Variants in PCLO observed in about 807,000 individuals in gnomAD.
PCLO encodes piccolo presynaptic cytomatrix protein, also known as protein piccolo.
Under a neutral mutation model 427.5 loss-of-function variants are expected in PCLO, and 82 were observed. That is an observed-to-expected ratio of 0.19 (90% CI 0.16 to 0.23). The LOEUF (loss-of-function observed/expected upper bound fraction) is 0.23, where lower values mean the gene tolerates loss of function less well. Ranked by LOEUF, PCLO falls within the 10% of genes least tolerant of loss-of-function variation. The pLI, the probability that PCLO is intolerant of heterozygous loss-of-function variation, is 1.00. For missense variants in PCLO, 6,239 were observed against 6,115.9 expected, an observed-to-expected ratio of 1.02 and a Z score of -0.67; for synonymous variants, 2,357 against 2,155.4, an observed-to-expected ratio of 1.09 and a Z score of -2.59.
chr7:82,858,658 C>T (rs1040692357), intron 10 of PCLO, among the ~76,000 whole-genome samples: 1 of 152,070 alleles, frequency 6.6e-6, no homozygotes, highest in African/African-American at 2.4e-5. Context: ...TCAGCTTATA[C>T]TATGCACTTC....
intron 20 of PCLO, among the ~76,000 whole-genome samples, chr7:82,810,829 C>T (rs1278630341): frequency 6.6e-6 from 1 of 151,662 alleles, no homozygotes; most frequent in African/African-American, 2.4e-5. Context: ...GCAAAGCTAT[C>T]ACTGTACTTA....
intron 21 of PCLO, among the ~76,000 whole-genome samples, 190 bp from the exon 22 acceptor site, chr7:82,801,781 T>G (rs1791359382): frequency 6.6e-6 from 1 of 152,144 alleles, no homozygotes; most frequent in African/African-American, 2.4e-5. Context: ...TTGCTCTATA[T>G]CATAATTTTA....
chr7:82,892,673 C>A (rs7805455), intron 9 of PCLO, among the ~76,000 whole-genome samples: 5,875 of 151,544 alleles, frequency 0.039, 391 homozygotes, highest in African/African-American at 0.13. Context: ...TTTGCAATCT[C>A]CTCATCTGAC....
At chr7:83,027,111 AGAACT>A (rs1301979140) in intron 3 of PCLO, among the ~76,000 whole-genome samples, 3 of 116,112 alleles carry the variant, frequency 2.6e-5, no homozygotes, top group Non-Finnish European at 5.6e-5. Context: ...AAATCAGAGC[AGAACT>A]GAAGGAAATA....
At chr7:83,002,081 G>A (rs1418525771) in intron 3 of PCLO, among the ~76,000 whole-genome samples, 1 of 151,638 alleles carries the variant, frequency 6.6e-6, no homozygotes, top group Non-Finnish European at 1.5e-5. Flanking sequence ...CAGGTTCTGT[G>A]ACTCCACTTC....
intron 3 of PCLO, among the ~76,000 whole-genome samples, chr7:83,022,839 G>A (rs1788379466): frequency 6.6e-6 from 1 of 152,042 alleles, no homozygotes; most frequent in African/African-American, 2.4e-5. Context: ...CTATCTGAAA[G>A]CCTGAATATA....
In PCLO at chr7:82,953,023, C is replaced by T. The variant is rs766192313; in HGVS notation, c.7930G>A (p.Ala2644Thr). Residue 2644 changes from alanine (A) to threonine (T), a missense_variant, in exon 5 of 25, where the codon GCT (alanine) becomes ACT (threonine). Transcript: ENST00000333891. Reference protein sequence around the residue: ...SSEQTFYISGALQTFSATPVT... With the variant: ...SSEQTFYISGTLQTFSATPVT... ...GGGGTAGCAGAAAATGTCTGTAAAG[C>T]TCCAGAGATGTAGAAGGTCTGTTCT... 1.2e-6 allele frequency: 2 copies of T among 1,613,934 alleles called. No individual in the cohort carries two copies. The highest frequency in any genetic ancestry group is 1.7e-6 in the Non-Finnish European group (2 of 1,179,872).
intron 3 of PCLO, among the ~76,000 whole-genome samples, chr7:82,972,953 G>A (rs145324761): frequency 7.1e-4 from 108 of 151,952 alleles, no homozygotes; most frequent in Admixed American, 2.2e-3. Flanking sequence ...TTACAATCTC[G>A]GCAATATGGT....
chr7:83,009,782 T>G (rs1788035036), intron 3 of PCLO, among the ~76,000 whole-genome samples: 1 of 151,950 alleles, frequency 6.6e-6, no homozygotes, highest in East Asian at 1.9e-4. Flanking sequence ...GTTATTGGGT[T>G]CCATACCCAT....
intron 3 of PCLO, among the ~76,000 whole-genome samples, chr7:83,062,768 C>T (rs1051150022): frequency 2.0e-5 from 3 of 152,064 alleles, no homozygotes; most frequent in Non-Finnish European, 4.4e-5. Flanking sequence ...TTCCCATCTC[C>T]TCCATTCACC....
At chr7:83,147,983 C>T (rs1792036287) in intron 2 of PCLO, among the ~76,000 whole-genome samples, 1 of 152,038 alleles carries the variant, frequency 6.6e-6, no homozygotes, top group Non-Finnish European at 1.5e-5. Flanking sequence ...TGAATTTTTT[C>T]ATAAGACAAC....
At chr7:82,823,983 T>C (rs1791863740) in intron 19 of PCLO, among the ~76,000 whole-genome samples, 1 of 152,176 alleles carries the variant, frequency 6.6e-6, no homozygotes, top group Non-Finnish European at 1.5e-5. Context: ...ATAGACCAAA[T>C]AGCTCATTTT....
intron 3 of PCLO, among the ~76,000 whole-genome samples, chr7:83,100,085 C>T (rs1196930878): frequency 6.6e-6 from 1 of 152,082 alleles, no homozygotes; most frequent in East Asian, 1.9e-4. Context: ...CTATCTAAAC[C>T]TATCTATCCA....
chr7:82,786,753 C>A (rs536099513), intron 22 of PCLO, among the ~76,000 whole-genome samples: 5 of 152,146 alleles, frequency 3.3e-5, no homozygotes, highest in South Asian at 4.2e-4. Context: ...TCCCCACCCC[C>A]CAACAGGCCC....
rs745760356 is a variant in PCLO at position 82,951,373 on chromosome 7, G to A, written c.9215C>T (p.Pro3072Leu). ...ACTCCCCACACAATACTGGGGTCCT[G>A]GTGGTGGTGTCATTCTTGCTGTGGA... ...QYSTARMTPP[P>L]GPQYCVGSVL... Residue 3072 changes from proline (P) to leucine (L), a missense_variant, in exon 6 of 25, where the codon CCA becomes CTA. This residue lies in a region of PCLO where 4,677 missense variants were observed against 4,468.4 expected (regional missense o/e 1.05). Transcript: ENST00000333891. 2 of 1,604,954 alleles carry A rather than the reference G, an allele frequency of 1.2e-6. No individual in the cohort carries two copies. The highest frequency in any genetic ancestry group is 1.7e-6 in the Non-Finnish European group (2 of 1,175,240).
intron 3 of PCLO, among the ~76,000 whole-genome samples, chr7:83,102,735 C>T (rs1216971248): frequency 6.6e-6 from 1 of 151,638 alleles, no homozygotes. Flanking sequence ...AAAAATAAAA[C>T]TCTTGATTTT....
intron 14 of PCLO, 140 bp from the exon 15 acceptor site, chr7:82,838,482 C>A: frequency 1.8e-6 from 1 of 551,826 alleles, no homozygotes; most frequent in Admixed American, 3.5e-5. Context: ...ACCAAACAGA[C>A]CAGTTAATGT....
intron 20 of PCLO, 122 bp from the exon 21 acceptor site, chr7:82,805,951 A>G: frequency 1.1e-6 from 1 of 893,950 alleles, no homozygotes; most frequent in Non-Finnish European, 1.7e-6. Context: ...GAAGAACTCT[A>G]CATTTTTCAA....
chr7:82,765,979 AAAG>A (rs1790524411), intron 22 of PCLO, among the ~76,000 whole-genome samples: 1 of 152,094 alleles, frequency 6.6e-6, no homozygotes. Context: ...CAGAAAACCC[AAAG>A]AAGTGATGTC....
Sources: allele counts gnomAD v4.1 joint callset (sites outside exome capture counted in the v4.1 genomes callset), GRCh38; gene constraint gnomAD v4.1.1; regional missense constraint gnomAD v4.1.1; transcripts MANE v1.5; gene names NCBI Gene and HGNC (gene_info 2026-07-23, HGNC 2026-07-21).